SMARCB1: variants seen among roughly 807,000 people sequenced by gnomAD.
SMARCB1 encodes the protein SWI/SNF-related matrix-associated actin-dependent regulator of chromatin subfamily B member 1.
A neutral mutation model predicts 49.0 loss-of-function variants in SMARCB1; 5 were observed. That is an observed-to-expected ratio of 0.10 (90% confidence interval 0.05 to 0.21). The LOEUF (loss-of-function observed/expected upper bound fraction) is 0.21, where lower values mean the gene tolerates loss of function less well. Ranked by LOEUF, SMARCB1 falls within the 10% of genes least tolerant of loss-of-function variation. The pLI is 1.00. For synonymous variants in SMARCB1, 201 were observed against 200.1 expected, an observed-to-expected ratio of 1.00 and a Z score of -0.04; for missense variants, 226 against 509.2, an observed-to-expected ratio of 0.44 and a Z score of 5.35.
intron 5 of SMARCB1, 65 bp downstream of exon 5, chr22:23,803,487 C>G: frequency 2.5e-6 from 4 of 1,592,196 alleles, no homozygotes; most frequent in Non-Finnish European, 3.4e-6. Context: ...GGAACAGTCC[C>G]GTTTCCTGCC....
rs888167155 is a variant in SMARCB1, at chr22:23,834,268, G to C, written c.*88G>C. On this transcript the variant is annotated 3_prime_UTR_variant, in exon 9 of 9. Transcript: ENST00000644036. ...CTTCTGGCAAGGACAGAGGCGAGGGGACAGCCCAGCGCCATCCTGAGGATC... is the reference window on the plus strand; with the variant it reads ...CTTCTGGCAAGGACAGAGGCGAGGGCACAGCCCAGCGCCATCCTGAGGATC... The C allele has an allele frequency of 7.1e-7, 1 of 1,412,076 alleles. No homozygotes were observed. Among genetic ancestry groups the C allele is most frequent in the Non-Finnish European group, 9.8e-7 (1 of 1,025,348 alleles). The allele number at this position is 1,412,076 out of a possible 1,614,324, so 87.5% of individuals were successfully genotyped here. A position where few individuals can be genotyped will look rare whatever the true frequency, so the allele number is the denominator to read the frequency against.
intron 5 of SMARCB1, among the ~76,000 whole-genome samples, chr22:23,812,339 C>G (rs954322397): frequency 6.6e-6 from 1 of 151,678 alleles, no homozygotes; most frequent in African/African-American, 2.4e-5. Flanking sequence ...AAACAATTCT[C>G]CCCCCCAAAA....
intron 5 of SMARCB1, 190 bp downstream of exon 5, chr22:23,803,612 C>A: frequency 1.4e-6 from 1 of 723,726 alleles, no homozygotes; most frequent in South Asian, 1.6e-5. Flanking sequence ...TGGATTGGGC[C>A]TGTGAACTTT....
At chr22:23,830,362 G>A (rs529856872) in intron 7 of SMARCB1, among the ~76,000 whole-genome samples, 3 of 152,172 alleles carry the variant, frequency 2.0e-5, no homozygotes, top group African/African-American at 7.2e-5. Flanking sequence ...TGAAGTAATT[G>A]TGGTTTTGAT....
At chr22:23,795,510 C>G (rs1440442873) in intron 3 of SMARCB1, among the ~76,000 whole-genome samples, 4 of 151,850 alleles carry the variant, frequency 2.6e-5, no homozygotes, top group Non-Finnish European at 4.4e-5. Context: ...ACAAAGTTAG[C>G]CTCGCATGGT....
intron 3 of SMARCB1, among the ~76,000 whole-genome samples, chr22:23,799,281 A>ATT (rs754464338): frequency 7.3e-6 from 1 of 136,446 alleles, no homozygotes; most frequent in Non-Finnish European, 1.6e-5. Context: ...AGCTTTTGGT[A>ATT]TTTTTTTTTT....
intron 3 of SMARCB1, among the ~76,000 whole-genome samples, chr22:23,797,532 G>C (rs1387315800): frequency 7.0e-6 from 1 of 143,736 alleles, no homozygotes; most frequent in East Asian, 2.0e-4. Context: ...GGATGGTCTC[G>C]ATTTCCTGAC....
At chr22:23,823,171 T>G (rs2146023177) in intron 6 of SMARCB1, 1 of 152,002 alleles carries the variant, frequency 6.6e-6, no homozygotes, top group Non-Finnish European at 1.5e-5. Flanking sequence ...AGACACACAG[T>G]CTAGACTTTG....
chr22:23,831,482 G>A (rs1166489629), intron 7 of SMARCB1, among the ~76,000 whole-genome samples: 1 of 152,168 alleles, frequency 6.6e-6, no homozygotes, highest in East Asian at 1.9e-4. Context: ...GGGGAGCAGG[G>A]TGGCTCCCAG....
At chr22:23,826,700 C>CTCGTTAGGTTTGTG (rs1395601179) in intron 7 of SMARCB1, among the ~76,000 whole-genome samples, 3 of 152,324 alleles carry the variant, frequency 2.0e-5, no homozygotes, top group Admixed American at 6.5e-5. Flanking sequence ...ATTAATGGAG[C>CTCGTTAGGTTTGTG]TCGTTAGGTT....
In SMARCB1 at chr22:23,794,191, C is replaced by G. The variant is rs7288719; in HGVS notation, c.362+503C>G. Reference sequence around the variant, plus strand: ...ACCCCACCTCAGGTGATCCGCCCGCCTTGGCATCCCAGAGTGCTGGGATTA... The same window carrying G: ...ACCCCACCTCAGGTGATCCGCCCGCGTTGGCATCCCAGAGTGCTGGGATTA... On this transcript the variant is annotated intron_variant, in intron 3 of 8. Coordinates refer to ENST00000644036, the MANE Select transcript of SMARCB1 (RefSeq NM_003073.5). Among the ~76,000 whole-genome samples, 729 of 152,380 alleles carry G rather than the reference C, an allele frequency of 4.8e-3. 6 individuals are homozygous for G. The highest frequency in any genetic ancestry group is 0.017 in the African/African-American group (697 of 41,594).
chr22:23,816,958 A>G, intron 6 of SMARCB1, 22 bp downstream of exon 6: 4 of 1,608,328 alleles, frequency 2.5e-6, no homozygotes, highest in Non-Finnish European at 3.4e-6. Context: ...CTCACCCAGC[A>G]CTGGAGCCTT....
At chr22:23,803,750 C>T (rs923770268) in intron 5 of SMARCB1, 2 of 411,206 alleles carry the variant, frequency 4.9e-6, no homozygotes. Context: ...CCTGCACACA[C>T]CTGCCTTGGG....
At chr22:23,826,852 G>A (rs1193264681) in intron 7 of SMARCB1, among the ~76,000 whole-genome samples, 4 of 152,316 alleles carry the variant, frequency 2.6e-5, no homozygotes, top group East Asian at 1.9e-4. Flanking sequence ...CTGCCTGAGC[G>A]CCATGGTGCT....
chr22:23,833,816 A>AGCAGCACTAGAG, intron 8 of SMARCB1, 113 bp downstream of exon 8: 3 of 1,263,060 alleles, frequency 2.4e-6, no homozygotes, highest in Non-Finnish European at 3.4e-6. Flanking sequence ...GAGTACCTCT[A>AGCAGCACTAGAG]GTGCTGCTAG....
chr22:23,822,026 C>T (rs571285146), intron 6 of SMARCB1, among the ~76,000 whole-genome samples: 7 of 152,188 alleles, frequency 4.6e-5, no homozygotes, highest in Non-Finnish European at 8.8e-5. Flanking sequence ...TCTGTAAGGA[C>T]GTCCTTTGTC....
chr22:23,810,460 G>C (rs780406368), intron 5 of SMARCB1, among the ~76,000 whole-genome samples: 2 of 139,538 alleles, frequency 1.4e-5, no homozygotes. Flanking sequence ...CCTGGGAGGC[G>C]GAGGTTGCAG....
intron 5 of SMARCB1, among the ~76,000 whole-genome samples, chr22:23,809,965 T>C (rs945673659): frequency 2.0e-5 from 3 of 150,006 alleles, no homozygotes; most frequent in African/African-American, 7.3e-5. Context: ...GGTCAGGAAT[T>C]GGAGGCCAGC....
intron 7 of SMARCB1, among the ~76,000 whole-genome samples, chr22:23,829,349 A>G (rs11912883): frequency 0.11 from 15,999 of 152,266 alleles, 879 homozygotes; most frequent in South Asian, 0.17. Context: ...AAGGACCGAG[A>G]GGAGACCAGG....
Sources: gnomAD v4.1 joint callset for allele counts (sites outside exome capture counted in the v4.1 genomes callset) on GRCh38, gnomAD v4.1.1 for gene constraint, MANE v1.5 for transcripts, NCBI Gene and HGNC (gene_info 2026-07-23, HGNC 2026-07-21) for gene names.